Variants in ATG14 observed in about 807,000 individuals in gnomAD.
ATG14 encodes the protein autophagy related 14, also known as beclin 1-associated autophagy-related key regulator.
In ATG14, 35 loss-of-function variants were observed where a neutral mutation model predicts 60.4. The observed-to-expected ratio is 0.58, with a 90% CI of 0.44 to 0.77. The LOEUF (loss-of-function observed/expected upper bound fraction) is 0.77. Ranked by LOEUF, ATG14 falls within the 30% of genes least tolerant of loss-of-function variation. ATG14 has a pLI of 0.00. For missense variants in ATG14, 647 were observed against 626.3 expected, an observed-to-expected ratio of 1.03 and a Z score of -0.35; for synonymous variants, 234 against 228.8, an observed-to-expected ratio of 1.02 and a Z score of -0.21.
At chr14:55,396,060 CTTAAAA>C (rs2140144490) in intron 2 of ATG14, 78 bp from the exon 3 acceptor site, 2 of 1,129,214 alleles carry the variant, frequency 1.8e-6, no homozygotes, top group Admixed American at 2.5e-5. Flanking sequence ...AAATCAAACA[CTTAAAA>C]TTAAGTCCTT....
At chr14:55,389,054 G>A (rs569573030) in intron 4 of ATG14, among the ~76,000 whole-genome samples, 3 of 152,234 alleles carry the variant, frequency 2.0e-5, no homozygotes, top group African/African-American at 4.8e-5. Context: ...GATTTTAAAA[G>A]GGTCACCAGG....
chr14:55,396,327 A>G (rs546106978), intron 2 of ATG14, among the ~76,000 whole-genome samples: 2 of 152,258 alleles, frequency 1.3e-5, no homozygotes, highest in Non-Finnish European at 2.9e-5. Context: ...TCCCAAAGAA[A>G]TGATACATGC....
At chr14:55,372,023 C>G (rs1455464995) in intron 9 of ATG14, among the ~76,000 whole-genome samples, 2 of 152,108 alleles carry the variant, frequency 1.3e-5, no homozygotes, top group Non-Finnish European at 2.9e-5. Context: ...CTTTTCTCCC[C>G]TTTTTCTTTT....
At chr14:55,385,435 G>A (rs1208283713) in intron 5 of ATG14, among the ~76,000 whole-genome samples, 1 of 152,174 alleles carries the variant, frequency 6.6e-6, no homozygotes, top group Non-Finnish European at 1.5e-5. Context: ...TGGGACTACA[G>A]GCACGCGCCA....
At chr14:55,402,893 CAAAAAAAAAAAAAAAAAAAA>C (rs1165938421) in intron 1 of ATG14, among the ~76,000 whole-genome samples, 4 of 11,100 alleles carry the variant, frequency 3.6e-4, no homozygotes, top group Non-Finnish European at 4.7e-4. Flanking sequence ...TCCATCTCTA[CAAAAAAAAAAAAAAAAAAAA>C]AAAAAAAAAA....
chr14:55,370,319 A>ATACTC (rs1884785117), intron 9 of ATG14, among the ~76,000 whole-genome samples: 1 of 152,242 alleles, frequency 6.6e-6, no homozygotes, highest in East Asian at 1.9e-4. Context: ...CACTTGATGT[A>ATACTC]TACTCTGGAT....
chr14:55,405,552 G>A (rs1885474831), intron 1 of ATG14, among the ~76,000 whole-genome samples: 1 of 152,150 alleles, frequency 6.6e-6, no homozygotes, highest in Admixed American at 6.5e-5. Flanking sequence ...CATTTCCCCA[G>A]GTATCCTTAG....
At chr14:55,380,867 ATATATATATTT>A (rs1163907416) in intron 6 of ATG14, among the ~76,000 whole-genome samples, 177 bp from the exon 7 acceptor site, 3 of 95,038 alleles carry the variant, frequency 3.2e-5, no homozygotes, top group African/African-American at 2.0e-4. Flanking sequence ...ATATATATAT[ATATATATATTT>A]TTTTTTTTTT....
chr14:55,386,012 ATCT>A lies in ATG14; in HGVS notation c.491_493del (p.Lys164del). The A allele has an allele frequency of 1.2e-6, 2 of 1,614,114 alleles. No homozygotes were observed. Among genetic ancestry groups the A allele is most frequent in the Non-Finnish European group, 1.7e-6 (2 of 1,180,010 alleles). On this transcript the variant is annotated inframe_deletion, in exon 5 of 10. Transcript: ENST00000247178. ...ACCAAGTTTGCGATTATGCCTCTGA[ATCT>A]TCTCCTTTTTCTCTTGGTGCCGTTG...
At chr14:55,397,525 G>A in intron 1 of ATG14, 91 bp from the exon 2 acceptor site, 3 of 1,007,972 alleles carry the variant, frequency 3.0e-6, no homozygotes, top group Non-Finnish European at 4.6e-6. Flanking sequence ...TCATTCTGCA[G>A]AGTCATGTGA....
At chr14:55,394,817 T>C (rs997945419) in intron 3 of ATG14, 1 of 302,572 alleles carries the variant, frequency 3.3e-6, no homozygotes, top group Non-Finnish European at 6.4e-6. Context: ...TATTATAGGA[T>C]ATAAAAACTA....
chr14:55,411,546 G>C (rs1029896267), intron 1 of ATG14, 56 bp downstream of exon 1: 14 of 1,516,204 alleles, frequency 9.2e-6, no homozygotes. Context: ...GCCTTCGGCT[G>C]CCTGGCTGGA....
chr14:55,398,944 ACT>A (rs1885358115), intron 1 of ATG14, among the ~76,000 whole-genome samples: 1 of 152,114 alleles, frequency 6.6e-6, no homozygotes, highest in Admixed American at 6.5e-5. Context: ...AGGGATAATG[ACT>A]CATGCTGCAG....
chr14:55,390,869 A>G, intron 4 of ATG14, 42 bp downstream of exon 4: 2 of 1,354,764 alleles, frequency 1.5e-6, no homozygotes, highest in Non-Finnish European at 2.1e-6. Context: ...AATTCCACAT[A>G]GGCACTTTCT....
chr14:55,389,345 TG>T (rs1332045361), intron 4 of ATG14, among the ~76,000 whole-genome samples: 1 of 152,232 alleles, frequency 6.6e-6, no homozygotes, highest in Non-Finnish European at 1.5e-5. Flanking sequence ...ATGTTGCTAC[TG>T]AACAAAGAGC....
chr14:55,386,815 T>C (rs1412034790), intron 4 of ATG14, among the ~76,000 whole-genome samples: 1 of 152,196 alleles, frequency 6.6e-6, no homozygotes, highest in African/African-American at 2.4e-5. Flanking sequence ...GGGCTGTAGC[T>C]AAACTTCACT....
intron 3 of ATG14, 25 bp from the exon 4 acceptor site, chr14:55,391,017 C>A: frequency 6.5e-7 from 1 of 1,543,166 alleles, no homozygotes; most frequent in Non-Finnish European, 8.9e-7. Context: ...TAATAAATAT[C>A]ACAAACGTTG....
At chr14:55,377,933 T>C (rs752226787) in intron 8 of ATG14, 29 bp from the exon 9 acceptor site, 1 of 1,592,410 alleles carries the variant, frequency 6.3e-7, no homozygotes, top group East Asian at 2.2e-5. Context: ...TTGGTTAATA[T>C]TTTCAACTAT....
Position 55,367,138 on chromosome 14 carries a change from ATTCTT to A in ATG14, c.*2476_*2480del, listed in dbSNP as rs1594773219. 3 of 152,504 alleles carry A rather than the reference ATTCTT, an allele frequency of 2.0e-5. No homozygotes were observed. In the East Asian group the frequency reaches 5.8e-4, roughly 29 times the overall value. The allele number at this position is 152,504 out of a possible 1,614,324, so 9.4% of individuals were successfully genotyped here. On this transcript the variant is annotated 3_prime_UTR_variant, in exon 10 of 10. Transcript: ENST00000247178. ...GATGAGTTTGTGATCTCTGGATTCT[ATTCTT>A]TAGCTTCATCTCTCATTCATGGTTT...
Sources: allele counts gnomAD v4.1 joint callset (sites outside exome capture counted in the v4.1 genomes callset), GRCh38; gene constraint gnomAD v4.1.1; transcripts MANE v1.5; gene names NCBI Gene and HGNC (gene_info 2026-07-23, HGNC 2026-07-21).